Variants in SPATS2 observed in about 807,000 individuals in gnomAD.
The protein encoded by SPATS2 is spermatogenesis-associated serine-rich protein 2.
A neutral mutation model predicts 63.7 loss-of-function variants in SPATS2; 38 were observed. The ratio of observed to expected loss-of-function variants is 0.60; its 90% CI spans 0.46 to 0.78. The LOEUF (loss-of-function observed/expected upper bound fraction) is 0.78. Among genes scored for constraint, SPATS2 ranks in the 30% least tolerant of loss-of-function variants. SPATS2 has a pLI of 0.00. For missense variants in SPATS2, 588 were observed against 666.2 expected, an observed-to-expected ratio of 0.88 and a Z score of 1.29; for synonymous variants, 207 against 232.9, an observed-to-expected ratio of 0.89 and a Z score of 1.01.
chr12:49,370,641 G>A (rs1318440346), intron 1 of SPATS2, among the ~76,000 whole-genome samples: 1 of 152,146 alleles, frequency 6.6e-6, no homozygotes, highest in African/African-American at 2.4e-5. Flanking sequence ...ATGTTTGACA[G>A]TTGTTCTTGG....
At chr12:49,472,163 T>C (rs919582451) in intron 3 of SPATS2, among the ~76,000 whole-genome samples, 1 of 151,984 alleles carries the variant, frequency 6.6e-6, no homozygotes, top group African/African-American at 2.4e-5. Flanking sequence ...AAAACAAAAA[T>C]TTATTATTGA....
chr12:49,441,189 C>G (rs1016365751), intron 2 of SPATS2, among the ~76,000 whole-genome samples: 1 of 152,150 alleles, frequency 6.6e-6, no homozygotes, highest in Admixed American at 6.5e-5. Flanking sequence ...TTCCTTCTTA[C>G]TGCTACATTC....
At chr12:49,462,558 T>C in intron 3 of SPATS2, 1 of 653,892 alleles carries the variant, frequency 1.5e-6, no homozygotes, top group Non-Finnish European at 2.8e-6. Context: ...TGACAGCCTT[T>C]TGTATCTGCA....
intron 9 of SPATS2, among the ~76,000 whole-genome samples, chr12:49,513,431 A>G (rs780312827): frequency 6.6e-6 from 1 of 152,304 alleles, no homozygotes; most frequent in East Asian, 1.9e-4. Flanking sequence ...GGTAAGGAAA[A>G]TTATTTTCAT....
At chr12:49,489,851 ATTGGAC>A (rs964517347) in intron 5 of SPATS2, among the ~76,000 whole-genome samples, 11 of 152,190 alleles carry the variant, frequency 7.2e-5, no homozygotes, top group African/African-American at 2.4e-4. Flanking sequence ...AAGGGACTTG[ATTGGAC>A]TTGGGTTGAA....
In SPATS2 at chr12:49,399,535, T is replaced by G. The variant is rs538697065; in HGVS notation, c.-244+28245T>G. On this transcript the variant is annotated intron_variant, in intron 2 of 13. Coordinates refer to ENST00000552918, the MANE Select transcript of SPATS2 (RefSeq NM_023071.4). ...ATAGCAAGGCATCTTGTGTCTCAAC[T>G]TTGATGGTGTGTAGGAGGGCTAAAA... Among the ~76,000 whole-genome samples, 11 of 152,292 alleles carry G rather than the reference T, an allele frequency of 7.2e-5. No homozygotes were observed. The East Asian group carries it at 1.9e-3, about 27-fold the overall frequency.
chr12:49,486,894 T>C (rs1041904730), intron 4 of SPATS2, among the ~76,000 whole-genome samples: 1 of 152,192 alleles, frequency 6.6e-6, no homozygotes, highest in African/African-American at 2.4e-5. Context: ...CTAGGAGATT[T>C]TTTTTGTTAA....
intron 9 of SPATS2, among the ~76,000 whole-genome samples, chr12:49,502,214 C>T (rs1946577991): frequency 6.6e-6 from 1 of 152,186 alleles, no homozygotes; most frequent in African/African-American, 2.4e-5. Flanking sequence ...AGTCTAGTCA[C>T]TTTTGCCACA....
At chr12:49,500,352 C>A in intron 9 of SPATS2, 147 bp downstream of exon 9, 1 of 917,150 alleles carries the variant, frequency 1.1e-6, no homozygotes, top group Non-Finnish European at 1.6e-6. Flanking sequence ...TAGCTTTCTG[C>A]TTTGTTCTAT....
chr12:49,422,478 C>T (rs1480539380), intron 2 of SPATS2, among the ~76,000 whole-genome samples: 1 of 152,104 alleles, frequency 6.6e-6, no homozygotes, highest in African/African-American at 2.4e-5. Context: ...AATCTTCCCT[C>T]TAGTTATTTT....
intron 2 of SPATS2, among the ~76,000 whole-genome samples, chr12:49,400,007 G>A (rs1394948027): frequency 6.6e-6 from 1 of 152,172 alleles, no homozygotes; most frequent in Non-Finnish European, 1.5e-5. Context: ...CTGCACTCCA[G>A]CCTGGGCGAC....
At chr12:49,396,602 G>A (rs1317223961) in intron 2 of SPATS2, among the ~76,000 whole-genome samples, 4 of 152,322 alleles carry the variant, frequency 2.6e-5, no homozygotes, top group African/African-American at 7.2e-5. Context: ...TACCACATGT[G>A]TAGTATGAAT....
chr12:49,406,598 C>T (rs752999074), intron 2 of SPATS2: 3 of 152,152 alleles, frequency 2.0e-5, no homozygotes, highest in Non-Finnish European at 4.4e-5. Context: ...TAGTTTTTGT[C>T]AGCTTTTTAT....
intron 2 of SPATS2, among the ~76,000 whole-genome samples, chr12:49,412,092 A>T (rs756978003): frequency 2.0e-5 from 3 of 152,170 alleles, no homozygotes; most frequent in Non-Finnish European, 2.9e-5. Context: ...GTTAGTGATG[A>T]TTATTTTAGT....
intron 2 of SPATS2, among the ~76,000 whole-genome samples, chr12:49,427,584 A>T (rs147412315): frequency 2.8e-4 from 42 of 152,334 alleles, no homozygotes; most frequent in African/African-American, 7.7e-4. Context: ...TATTCTAAAG[A>T]AGTTGTACCA....
At chr12:49,521,188 C>T (rs1946935915) in intron 11 of SPATS2, among the ~76,000 whole-genome samples, 1 of 152,198 alleles carries the variant, frequency 6.6e-6, no homozygotes, top group East Asian at 1.9e-4. Context: ...TACCTCTTCT[C>T]TTTCTGAACA....
chr12:49,519,333 GTAT>G, intron 11 of SPATS2, 151 bp downstream of exon 11: 2 of 610,692 alleles, frequency 3.3e-6, no homozygotes, highest in South Asian at 4.8e-5. Context: ...TCTGTAAGTG[GTAT>G]TATCATCTAC....
intron 2 of SPATS2, among the ~76,000 whole-genome samples, chr12:49,425,474 C>T (rs1350636260): frequency 1.3e-5 from 2 of 152,130 alleles, no homozygotes; most frequent in Admixed American, 6.5e-5. Context: ...CGTGTGCCAT[C>T]GTGCCTGGCT....
intron 9 of SPATS2, among the ~76,000 whole-genome samples, chr12:49,514,196 T>C (rs1345027019): frequency 6.6e-6 from 1 of 151,238 alleles, no homozygotes; most frequent in African/African-American, 2.4e-5. Context: ...CATGGTTAAG[T>C]AAGTAATTTC....
Sources: gnomAD v4.1 joint callset for allele counts (sites outside exome capture counted in the v4.1 genomes callset) on GRCh38, gnomAD v4.1.1 for gene constraint, MANE v1.5 for transcripts, NCBI Gene and HGNC (gene_info 2026-07-23, HGNC 2026-07-21) for gene names.